Variants in ARHGAP40 observed in about 807,000 individuals in gnomAD.
ARHGAP40 encodes the protein rho GTPase-activating protein 40.
ARHGAP40 carries 43 observed loss-of-function variants against 73.5 expected under a neutral mutation model. The observed-to-expected ratio is 0.58, with a 90% CI of 0.46 to 0.75. The LOEUF is 0.75. ARHGAP40 is among the 30% of genes least tolerant of loss of function. The pLI, the probability that ARHGAP40 is intolerant of heterozygous loss-of-function variation, is 0.00. For synonymous variants in ARHGAP40, 300 were observed against 352.8 expected (o/e 0.85, Z 1.68); for missense variants, 734 against 861.8 (o/e 0.85, Z 1.86).
At chr20:38,621,554 T>TC (rs1024771055) in intron 1 of ARHGAP40, among the ~76,000 whole-genome samples, 1 of 152,108 alleles carries the variant, frequency 6.6e-6, no homozygotes, top group African/African-American at 2.4e-5. Flanking sequence ...CAAAACAATG[T>TC]CCCCTGAGTG....
chr20:38,623,417 C>T, exon 2 of ARHGAP40: 3 of 1,290,942 alleles, frequency 2.3e-6, no homozygotes, highest in African/African-American at 1.5e-5. Flanking sequence ...CCTGCGACTA[C>T]ACCCTGCTGG....
chr20:38,635,280 CA>C (rs1286639248), intron 6 of ARHGAP40, among the ~76,000 whole-genome samples: 1 of 151,946 alleles, frequency 6.6e-6, no homozygotes, highest in Non-Finnish European at 1.5e-5. Flanking sequence ...GAGTAAAATA[CA>C]AAAAGGAAAA....
chr20:38,607,492 C>G (rs2088778074), intron 1 of ARHGAP40, among the ~76,000 whole-genome samples: 1 of 152,190 alleles, frequency 6.6e-6, no homozygotes, highest in Admixed American at 6.5e-5. Flanking sequence ...TCCTCAGATC[C>G]TGCTTACAAA....
intron 11 of ARHGAP40, among the ~76,000 whole-genome samples, chr20:38,644,952 T>C (rs994838295): frequency 3.9e-5 from 6 of 152,080 alleles, no homozygotes; most frequent in African/African-American, 1.4e-4. Context: ...TCTTCCATGG[T>C]CATTAGGTTA....
At position 38,649,732 on chromosome 20, in the gene ARHGAP40, C is replaced by T. The variant is rs1374031365; in HGVS notation, c.1937-25C>T. 1.5e-5 allele frequency: 19 copies of T among 1,279,982 alleles called. No homozygotes were observed. The East Asian group carries it at 1.0e-3, about 68-fold the overall frequency. 79.3% of individuals were successfully genotyped at this position (1,279,982 alleles called of 1,614,324 possible). ...GCATCTCCTACAGCCTCCCACTCAA[C>T]CTCCTTCACCCCTTCTTCCCACAGA... On this transcript the variant is annotated intron_variant, in intron 14 of 14. Transcript: ENST00000373345.
At chr20:38,607,682 C>T (rs2088779530) in intron 1 of ARHGAP40, among the ~76,000 whole-genome samples, 1 of 152,214 alleles carries the variant, frequency 6.6e-6, no homozygotes, top group African/African-American at 2.4e-5. Flanking sequence ...TGTCAGGCGT[C>T]ACCGACTCTT....
At position 38,614,807 on chromosome 20, in the gene ARHGAP40, C is replaced by T. The variant is rs181783684; in HGVS notation, c.138-8552C>T. 1,727 of 696,142 alleles carry T rather than the reference C, an allele frequency of 2.5e-3. 2 individuals carry two copies. The highest frequency in any genetic ancestry group is 2.9e-3 in the Non-Finnish European group (1,135 of 389,892). The allele number at this position is 696,142 out of a possible 1,614,324, so 43.1% of individuals were successfully genotyped here. Reference sequence around the variant, plus strand: ...TGAATCCATTCCTTGCACCATCGCACGTTTTTCATGCATTCAAAAGTGTCT... The same window carrying T: ...TGAATCCATTCCTTGCACCATCGCATGTTTTTCATGCATTCAAAAGTGTCT... On this transcript the variant is annotated intron_variant, in intron 1 of 14. Coordinates refer to ENST00000373345, the Ensembl canonical transcript of ARHGAP40.
At position 38,618,482 on chromosome 20, in the gene ARHGAP40, C is replaced by T. The variant is rs565020250; in HGVS notation, c.138-4877C>T. Among the ~76,000 whole-genome samples the T allele has an allele frequency of 3.3e-5, 5 of 152,160 alleles. No individual in the cohort carries two copies. In the South Asian group the frequency reaches 6.2e-4, roughly 19 times the overall value. ...GCACATAACAACCATCATTTTATTC[C>T]GCTTAGCGATTCGATGGGTAAGGAA... is the stretch of plus-strand genomic sequence containing the variant. On this transcript the variant is annotated intron_variant, in intron 1 of 14. Coordinates refer to ENST00000373345, the Ensembl canonical transcript of ARHGAP40.
At position 38,615,497 on chromosome 20, in the gene ARHGAP40, C is replaced by T. The variant is rs1283960023; in HGVS notation, c.138-7862C>T. 39 of 660,888 alleles carry T rather than the reference C, an allele frequency of 5.9e-5. No homozygotes were observed. In the Admixed American group the frequency reaches 7.3e-4, roughly 12 times the overall value. 40.9% of individuals were successfully genotyped at this position (660,888 alleles called of 1,614,324 possible). On this transcript the variant is annotated intron_variant, in intron 1 of 14. Transcript: ENST00000373345. ...TCCATGGCGGCGCGAGTGGCCAGCT[C>T]GGGCCTCACAGTCTCCTTGGGCCCT... is the stretch of plus-strand genomic sequence containing the variant.
Position 38,648,698 on chromosome 20 carries a change from A to C in ARHGAP40, c.1936A>C (p.Asn646His), listed in dbSNP as rs758935947. 37 of 1,305,698 alleles carry C rather than the reference A, an allele frequency of 2.8e-5. No individual in the cohort carries two copies. In the South Asian group the frequency reaches 4.6e-4, roughly 16 times the overall value. The allele number at this position is 1,305,698 out of a possible 1,614,324, so 80.9% of individuals were successfully genotyped here. ...CCTCTATGAAGTTGGAGGGAATATC[A>C]GTAAGTTCCACTGTGGGAAACAGGA... Residue 646 changes from asparagine (N) to histidine (H), a missense_variant and splice_region_variant, in exon 14 of 15, where the codon AAT becomes CAT. Coordinates refer to ENST00000373345, the Ensembl canonical transcript of ARHGAP40.
chr20:38,632,284 A>G (rs2088945188), intron 5 of ARHGAP40, among the ~76,000 whole-genome samples: 1 of 147,550 alleles, frequency 6.8e-6, no homozygotes, highest in Admixed American at 6.7e-5. Flanking sequence ...TTTTTTTGAG[A>G]CGGAGTCTCG....
chr20:38,602,023 C>G, exon 1 of ARHGAP40: 1 of 1,287,522 alleles, frequency 7.8e-7, no homozygotes, highest in Non-Finnish European at 1.0e-6. Context: ...GTCCTCGGAT[C>G]CCGCGGGCCC....
At chr20:38,614,781 A>G in intron 1 of ARHGAP40, 1 of 640,434 alleles carries the variant, frequency 1.6e-6, no homozygotes, top group Non-Finnish European at 2.8e-6. Flanking sequence ...CAACAATGTC[A>G]TGAATCCATT....
At chr20:38,604,397 GTT>G (rs5841299) in intron 1 of ARHGAP40, among the ~76,000 whole-genome samples, 8 of 138,604 alleles carry the variant, frequency 5.8e-5, no homozygotes, top group East Asian at 2.1e-4. Flanking sequence ...GAACAGTGGT[GTT>G]TTTTTTTTTT....
chr20:38,624,633 C>T (rs968411846), intron 2 of ARHGAP40, among the ~76,000 whole-genome samples: 1 of 85,908 alleles, frequency 1.2e-5, no homozygotes, highest in Non-Finnish European at 2.1e-5. Context: ...AAGCACTTTC[C>T]TGCCTCAAGT....
At chr20:38,616,855 T>A (rs1295812340) in intron 1 of ARHGAP40, among the ~76,000 whole-genome samples, 1 of 152,230 alleles carries the variant, frequency 6.6e-6, no homozygotes, top group East Asian at 1.9e-4. Context: ...TGCTGCTAAC[T>A]TACTACAGTG....
intron 7 of ARHGAP40, among the ~76,000 whole-genome samples, chr20:38,638,192 G>A (rs1361858173): frequency 1.3e-5 from 2 of 151,546 alleles, no homozygotes; most frequent in East Asian, 3.9e-4. Context: ...GCGGGCACCT[G>A]TAGTCCCAGC....
chr20:38,610,737 G>A (rs1230449436), intron 1 of ARHGAP40, among the ~76,000 whole-genome samples: 1 of 152,192 alleles, frequency 6.6e-6, no homozygotes, highest in Non-Finnish European at 1.5e-5. Context: ...TTTAAGAGAA[G>A]GAAGTCTGTT....
chr20:38,617,530 G>C (rs761707612), intron 1 of ARHGAP40, among the ~76,000 whole-genome samples: 8 of 152,158 alleles, frequency 5.3e-5, no homozygotes, highest in Non-Finnish European at 1.2e-4. Context: ...GAGCAGGGGA[G>C]CTTGGATGGG....
Sources: gnomAD v4.1 joint callset for allele counts (sites outside exome capture counted in the v4.1 genomes callset) on GRCh38, gnomAD v4.1.1 for gene constraint, MANE v1.5 for transcripts, NCBI Gene and HGNC (gene_info 2026-07-23, HGNC 2026-07-21) for gene names.